TEX11: variants seen among roughly 807,000 people sequenced by gnomAD.
TEX11 encodes the protein testis expressed 11, also known as testis-expressed protein 11.
A neutral mutation model predicts 84.4 loss-of-function variants in TEX11; 7 were observed. The observed-to-expected ratio is 0.08, with a 90% CI of 0.05 to 0.16. The LOEUF is 0.16. Among genes scored for constraint, TEX11 ranks in the 10% least tolerant of loss-of-function variants. The pLI, the probability that TEX11 is intolerant of heterozygous loss-of-function variation, is 1.00. For synonymous variants in TEX11, 264 were observed against 222.8 expected, an observed-to-expected ratio of 1.18 and a Z score of -1.64; for missense variants, 551 against 660.5, an observed-to-expected ratio of 0.83 and a Z score of 1.82.
chrX:70,731,537 T>A (rs1387377696), intron 11 of TEX11, among the ~76,000 whole-genome samples: 1 of 111,321 alleles, frequency 9.0e-6, no homozygotes, highest in Non-Finnish European at 1.9e-5. Flanking sequence ...TCCACGCAAA[T>A]AAACTAGAAA....
intron 7 of TEX11, among the ~76,000 whole-genome samples, chrX:70,847,444 T>A (rs1472893488): frequency 9.0e-6 from 1 of 111,632 alleles, no homozygotes; most frequent in African/African-American, 3.3e-5. Context: ...CTGTTGATCA[T>A]CCTTTTCTCC....
chrX:70,604,426 C>T lies in TEX11; in HGVS notation c.2067+975G>A, dbSNP rs144864597. Among the ~76,000 whole-genome samples, 951 of 110,636 alleles carry T rather than the reference C, an allele frequency of 8.6e-3. 11 individuals are homozygous for T. The highest frequency in any genetic ancestry group is 0.03 in the African/African-American group (915 of 30,497). On this transcript the variant is annotated intron_variant, in intron 24 of 29. Transcript: ENST00000374333. ...AATAAAAAGACTCTTAAAAGAGGGC[C>T]CCCTTTACTCCTCAGAGGCAAGGAC...
chrX:70,668,393 G>A (rs984770023), intron 16 of TEX11, among the ~76,000 whole-genome samples: 2 of 112,345 alleles, frequency 1.8e-5, no homozygotes, highest in Non-Finnish European at 1.9e-5. Flanking sequence ...ATGATGGATT[G>A]TGTATTTTTT....
intron 26 of TEX11, 35 bp downstream of exon 26, chrX:70,554,616 C>T: frequency 8.7e-7 from 1 of 1,152,040 alleles, no homozygotes; most frequent in Non-Finnish European, 1.2e-6. Context: ...TCTAAATGGG[C>T]ACCAGCCTTA....
intron 17 of TEX11, among the ~76,000 whole-genome samples, chrX:70,632,544 G>A (rs1376385170): frequency 9.0e-6 from 1 of 110,848 alleles, no homozygotes; most frequent in Non-Finnish European, 1.9e-5. Context: ...GGGAGGCCAA[G>A]GCTGTAGTGA....
chrX:70,640,573 G>A (rs1007519158), intron 17 of TEX11, among the ~76,000 whole-genome samples: 1 of 110,507 alleles, frequency 9.0e-6, no homozygotes, highest in Non-Finnish European at 1.9e-5. Flanking sequence ...CGGATCTCTC[G>A]GCAGAAACCC....
intron 9 of TEX11, among the ~76,000 whole-genome samples, chrX:70,777,048 T>C (rs781118031): frequency 2.6e-4 from 27 of 103,544 alleles, no homozygotes; most frequent in African/African-American, 9.3e-4. Context: ...ATTATTATTA[T>C]TTTTTTTTTT....
At chrX:70,577,958 C>T (rs991635427) in intron 25 of TEX11, among the ~76,000 whole-genome samples, 1 of 111,081 alleles carries the variant, frequency 9.0e-6, no homozygotes, top group East Asian at 2.8e-4. Context: ...GAACTCCTGA[C>T]CTCAGGTGAT....
At chrX:70,646,405 A>G (rs1454233573) in intron 17 of TEX11, among the ~76,000 whole-genome samples, 1 of 112,492 alleles carries the variant, frequency 8.9e-6, no homozygotes, top group Non-Finnish European at 1.9e-5. Flanking sequence ...AAGCTTCCAC[A>G]CAGCAAAAGA....
intron 16 of TEX11, among the ~76,000 whole-genome samples, chrX:70,661,987 C>T (rs1485461090): frequency 8.9e-6 from 1 of 112,227 alleles, no homozygotes; most frequent in Non-Finnish European, 1.9e-5. Flanking sequence ...GAATGCAGCT[C>T]CTCATCAGCA....
At chrX:70,891,396 G>A (rs2091737279) in intron 2 of TEX11, among the ~76,000 whole-genome samples, 1 of 111,632 alleles carries the variant, frequency 9.0e-6, no homozygotes, top group Non-Finnish European at 1.9e-5. Context: ...CGAGCTGACA[G>A]AAGTAGACTT....
chrX:70,736,743 A>G lies in TEX11; in HGVS notation c.843+3958T>C, dbSNP rs2090699084. ...TGATGCCAATAAAAAGTTTCTCTGC[A>G]GGGCCATGCTCTCAATCCAGGTTGA... On this transcript the variant is annotated intron_variant, in intron 11 of 29. Transcript: ENST00000374333. Among the ~76,000 whole-genome samples, 7 of 111,634 alleles carry G rather than the reference A, an allele frequency of 6.3e-5. No individual in the cohort carries two copies. In the Admixed American group the frequency reaches 6.7e-4, roughly 11 times the overall value.
intron 14 of TEX11, among the ~76,000 whole-genome samples, chrX:70,679,538 G>A (rs1456455601): frequency 9.0e-6 from 1 of 110,554 alleles, no homozygotes; most frequent in Non-Finnish European, 1.9e-5. Flanking sequence ...AGTGAGGAGC[G>A]TCTCTGCCCG....
intron 9 of TEX11, among the ~76,000 whole-genome samples, chrX:70,790,124 A>G (rs1031039754): frequency 1.8e-5 from 2 of 112,158 alleles, no homozygotes. Context: ...TTACAGAGAC[A>G]GAGCTGTGGA....
chrX:70,681,778 G>A (rs1010603869), intron 14 of TEX11, among the ~76,000 whole-genome samples: 9 of 111,323 alleles, frequency 8.1e-5, no homozygotes, highest in Admixed American at 1.9e-4. Context: ...GGATAACCAA[G>A]TTTATCAAAA....
chrX:70,521,470 T>G, the TEX11 span, among the ~76,000 whole-genome samples: 1 of 110,807 alleles, frequency 9.0e-6, no homozygotes, highest in African/African-American at 3.3e-5. Flanking sequence ...AGAGATGGGG[T>G]TTCACTATGT....
intron 2 of TEX11, among the ~76,000 whole-genome samples, chrX:70,907,166 G>T (rs2091838277): frequency 9.0e-6 from 1 of 111,527 alleles, no homozygotes; most frequent in Admixed American, 9.5e-5. Context: ...AGATCTTGCA[G>T]TAATTTTTTA....
intron 2 of TEX11, among the ~76,000 whole-genome samples, chrX:70,899,807 C>T (rs1401767810): frequency 1.1e-5 from 1 of 89,537 alleles, no homozygotes; most frequent in Admixed American, 1.4e-4. Flanking sequence ...GTTCATGCCA[C>T]TGCACTCCAG....
chrX:70,719,706 A>G (rs1427579302), intron 13 of TEX11, among the ~76,000 whole-genome samples: 2 of 112,348 alleles, frequency 1.8e-5, no homozygotes, highest in Non-Finnish European at 1.9e-5. Context: ...AAAAGTGGGC[A>G]AAGGATATGA....
Sources: gnomAD v4.1 joint callset for allele counts (sites outside exome capture counted in the v4.1 genomes callset) on GRCh38, gnomAD v4.1.1 for gene constraint, MANE v1.5 for transcripts, NCBI Gene and HGNC (gene_info 2026-07-23, HGNC 2026-07-21) for gene names.